ZFPM2: variants seen among roughly 807,000 people sequenced by gnomAD.
The protein encoded by ZFPM2 is zinc finger protein ZFPM2.
ZFPM2 carries 20 observed loss-of-function variants against 98.6 expected under a neutral mutation model. That is an observed-to-expected ratio of 0.20 (90% CI 0.14 to 0.29). The LOEUF is 0.29. Among genes scored for constraint, ZFPM2 ranks in the 10% least tolerant of loss-of-function variants. The probability of loss-of-function intolerance (pLI) is 1.00; values close to 1 mark genes in which losing one functional copy is unlikely to be tolerated. For synonymous variants in ZFPM2, 518 were observed against 502.7 expected (o/e 1.03, Z -0.41); for missense variants, 1,310 against 1,388.6 (o/e 0.94, Z 0.90).
At chr8:105,386,953 G>C (rs1212910330) in intron 1 of ZFPM2, among the ~76,000 whole-genome samples, 1 of 152,136 alleles carries the variant, frequency 6.6e-6, no homozygotes, top group Non-Finnish European at 1.5e-5. Context: ...GTTGATTGGT[G>C]CATTCACAAA....
intron 4 of ZFPM2, among the ~76,000 whole-genome samples, chr8:105,628,530 T>A (rs761441620): frequency 2.6e-5 from 4 of 152,126 alleles, no homozygotes; most frequent in Non-Finnish European, 5.9e-5. Context: ...TGTTGCCTTT[T>A]CCTCAACCAC....
intron 3 of ZFPM2, among the ~76,000 whole-genome samples, chr8:105,497,448 A>AT (rs1328562110): frequency 6.6e-6 from 1 of 152,308 alleles, no homozygotes; most frequent in African/African-American, 2.4e-5. Flanking sequence ...TAGCAAAGGC[A>AT]TTTTTTGGAA....
intron 5 of ZFPM2, among the ~76,000 whole-genome samples, chr8:105,768,767 T>TG (rs1356416790): frequency 1.3e-5 from 2 of 151,858 alleles, no homozygotes; most frequent in Non-Finnish European, 2.9e-5. Flanking sequence ...TATCCACAGT[T>TG]GAAGTCATGA....
chr8:105,733,421 T>C (rs1811992119), intron 5 of ZFPM2, among the ~76,000 whole-genome samples: 1 of 151,894 alleles, frequency 6.6e-6, no homozygotes, highest in Admixed American at 6.6e-5. Context: ...CATTAGTTTT[T>C]TACAAGCCTT....
intron 1 of ZFPM2, among the ~76,000 whole-genome samples, chr8:105,334,083 A>G (rs965129270): frequency 7.4e-6 from 1 of 135,522 alleles, no homozygotes; most frequent in African/African-American, 2.9e-5. Flanking sequence ...GAATGTCAGT[A>G]TTTTCATACC....
chr8:105,617,812 T>A (rs886378877), intron 4 of ZFPM2, among the ~76,000 whole-genome samples: 1 of 152,198 alleles, frequency 6.6e-6, no homozygotes, highest in Admixed American at 6.5e-5. Context: ...TATAGGCTTT[T>A]TAAAATCTAT....
rs1022425826 is a variant in ZFPM2 at position 105,800,658 on chromosome 8, T to A, written c.965-389T>A. On this transcript the variant is annotated intron_variant, in intron 7 of 7. Coordinates refer to ENST00000407775, the MANE Select transcript of ZFPM2 (RefSeq NM_012082.4). ...CTAATGAATGCTCACTTATTCCTAA[T>A]GTAGAGGCTAATGTTATAGTGAGGT... is the stretch of plus-strand genomic sequence containing the variant. Among the ~76,000 whole-genome samples the A allele has an allele frequency of 2.6e-5, 4 of 152,200 alleles. No individual in the cohort carries two copies. The East Asian group carries it at 5.8e-4, about 22-fold the overall frequency.
intron 1 of ZFPM2, among the ~76,000 whole-genome samples, chr8:105,374,599 T>C (rs1285057062): frequency 6.6e-6 from 1 of 152,104 alleles, no homozygotes; most frequent in Non-Finnish European, 1.5e-5. Context: ...TTGCCCAGGC[T>C]GTTCTTGAAC....
chr8:105,679,812 A>G (rs976379923), intron 5 of ZFPM2, among the ~76,000 whole-genome samples: 1 of 151,608 alleles, frequency 6.6e-6, no homozygotes, highest in African/African-American at 2.4e-5. Context: ...AAAAAAAAAA[A>G]AGAAAGCAAT....
At chr8:105,639,370 T>G (rs1816906926) in intron 5 of ZFPM2, among the ~76,000 whole-genome samples, 1 of 152,088 alleles carries the variant, frequency 6.6e-6, no homozygotes, top group African/African-American at 2.4e-5. Flanking sequence ...TTTTTCAATT[T>G]TCTTGTAGTT....
At chr8:105,688,844 T>C (rs1180604148) in intron 5 of ZFPM2, among the ~76,000 whole-genome samples, 2 of 152,170 alleles carry the variant, frequency 1.3e-5, no homozygotes, top group African/African-American at 4.8e-5. Context: ...ATTATGTACA[T>C]AGTAAGCATA....
chr8:105,707,250 A>G (rs1545236), intron 5 of ZFPM2, among the ~76,000 whole-genome samples: 1,667 of 148,266 alleles, frequency 0.011, 22 homozygotes, highest in African/African-American at 0.034. Context: ...TCAAAAAAAA[A>G]AAAAAGAAAA....
intron 5 of ZFPM2, among the ~76,000 whole-genome samples, chr8:105,729,329 C>T (rs1811878690): frequency 6.6e-6 from 1 of 151,354 alleles, no homozygotes; most frequent in South Asian, 2.1e-4. Context: ...AATTAAAGCA[C>T]TCAGGTTTTT....
intron 4 of ZFPM2, among the ~76,000 whole-genome samples, chr8:105,592,366 G>A (rs1001411707): frequency 2.6e-5 from 4 of 152,046 alleles, no homozygotes; most frequent in African/African-American, 9.7e-5. Flanking sequence ...GGCCATTGAA[G>A]GGTGGCCAAA....
intron 3 of ZFPM2, among the ~76,000 whole-genome samples, chr8:105,471,314 T>G (rs1282178306): frequency 1.3e-5 from 2 of 152,282 alleles, no homozygotes; most frequent in East Asian, 3.9e-4. Flanking sequence ...AATATGCCAT[T>G]TGTAGCTTAT....
At chr8:105,730,508 T>TCTGAG (rs963358288) in intron 5 of ZFPM2, among the ~76,000 whole-genome samples, 3 of 151,720 alleles carry the variant, frequency 2.0e-5, no homozygotes, top group Admixed American at 1.3e-4. Flanking sequence ...AGTTGTTTAC[T>TCTGAG]CTGAGCTCTT....
intron 3 of ZFPM2, among the ~76,000 whole-genome samples, chr8:105,450,772 A>G (rs1211204067): frequency 6.6e-6 from 1 of 152,014 alleles, no homozygotes; most frequent in Non-Finnish European, 1.5e-5. Context: ...AGTGTCAAAA[A>G]CTGGTACAGA....
intron 3 of ZFPM2, among the ~76,000 whole-genome samples, chr8:105,503,610 G>T (rs1813639565): frequency 6.6e-6 from 1 of 152,138 alleles, no homozygotes; most frequent in Admixed American, 6.6e-5. Context: ...TGTGAGCAGG[G>T]TTATGTGATA....
chr8:105,794,182 G>GT (rs1465153333), intron 6 of ZFPM2, among the ~76,000 whole-genome samples: 1 of 152,058 alleles, frequency 6.6e-6, no homozygotes, highest in African/African-American at 2.4e-5. Flanking sequence ...TTTCTGCTTT[G>GT]TTTTTTCCCC....
Sources: gnomAD v4.1 joint callset for allele counts (sites outside exome capture counted in the v4.1 genomes callset) on GRCh38, gnomAD v4.1.1 for gene constraint, MANE v1.5 for transcripts, NCBI Gene and HGNC (gene_info 2026-07-23, HGNC 2026-07-21) for gene names.